Variants in DDR2 observed in about 807,000 individuals in gnomAD.
DDR2 encodes the protein discoidin domain-containing receptor 2.
DDR2 carries 27 observed loss-of-function variants against 94.9 expected under a neutral mutation model. The observed-to-expected ratio is 0.28, with a 90% confidence interval of 0.21 to 0.39. DDR2 has a LOEUF of 0.39. DDR2 is among the 10% of genes least tolerant of loss of function. The pLI is 1.00. For synonymous variants in DDR2, 382 were observed against 377.2 expected (o/e 1.01, Z -0.15); for missense variants, 783 against 1,076.0 (o/e 0.73, Z 3.81).
At chr1:162,732,147 A>G (rs188642690) in intron 3 of DDR2, among the ~76,000 whole-genome samples, 1 of 152,336 alleles carries the variant, frequency 6.6e-6, no homozygotes, top group African/African-American at 2.4e-5. Flanking sequence ...GAAAACTGCA[A>G]TCCTAAAGGT....
intron 4 of DDR2, 86 bp from the exon 5 acceptor site, chr1:162,754,538 T>C (rs982225297): frequency 1.5e-6 from 2 of 1,367,284 alleles, no homozygotes; most frequent in African/African-American, 1.4e-5. Flanking sequence ...CTCCCCTCAG[T>C]ACAGGGCAGC....
At chr1:162,734,456 G>A (rs956288854) in intron 3 of DDR2, among the ~76,000 whole-genome samples, 1 of 152,234 alleles carries the variant, frequency 6.6e-6, no homozygotes, top group African/African-American at 2.4e-5. Context: ...CATAACACAT[G>A]CTGTTTAGTG....
chr1:162,635,068 G>C (rs1286560149), intron 1 of DDR2, among the ~76,000 whole-genome samples: 1 of 152,116 alleles, frequency 6.6e-6, no homozygotes, highest in Admixed American at 6.5e-5. Flanking sequence ...AGGGAAGTGG[G>C]TAAGGTGTTT....
intron 2 of DDR2, among the ~76,000 whole-genome samples, chr1:162,706,621 G>A (rs1390022636): frequency 1.3e-5 from 2 of 152,172 alleles, no homozygotes; most frequent in Admixed American, 1.3e-4. Flanking sequence ...GGCCAGCATG[G>A]GGCAAGCCCT....
At chr1:162,744,338 T>A (rs1044414570) in intron 3 of DDR2, among the ~76,000 whole-genome samples, 1 of 152,164 alleles carries the variant, frequency 6.6e-6, no homozygotes, top group Non-Finnish European at 1.5e-5. Context: ...CTGGCAACCA[T>A]CATTCTACTT....
chr1:162,724,452 A>C (rs1379449600), intron 3 of DDR2, among the ~76,000 whole-genome samples: 1 of 152,164 alleles, frequency 6.6e-6, no homozygotes, highest in Non-Finnish European at 1.5e-5. Context: ...GGCTGGAGCT[A>C]GAAGCCCTGC....
intron 2 of DDR2, among the ~76,000 whole-genome samples, chr1:162,672,937 T>G (rs1658941614): frequency 6.6e-6 from 1 of 152,182 alleles, no homozygotes; most frequent in Non-Finnish European, 1.5e-5. Flanking sequence ...ATTTCTGGGA[T>G]GAAAATAGCA....
chr1:162,735,998 A>G (rs943724864), intron 3 of DDR2, among the ~76,000 whole-genome samples: 2 of 152,226 alleles, frequency 1.3e-5, no homozygotes, highest in Admixed American at 1.3e-4. Context: ...GCCAGGGATG[A>G]AAGCCCAGTG....
intron 2 of DDR2, among the ~76,000 whole-genome samples, chr1:162,679,920 C>A (rs181835963): frequency 6.6e-6 from 1 of 151,918 alleles, no homozygotes; most frequent in East Asian, 1.9e-4. Context: ...GCCTGTTGGC[C>A]GCATGTACGT....
Position 162,721,318 on chromosome 1 carries a change from T to C in DDR2, c.82+2173T>C, listed in dbSNP as rs550880360. On this transcript the variant is annotated intron_variant, in intron 3 of 17. Coordinates refer to ENST00000367921, the MANE Select transcript of DDR2 (RefSeq NM_006182.4). ...GCAAATAGTCATCTTAATTTTTTTT[T>C]CTATTTCTGGTGTCAGGTATTTTTG... Among the ~76,000 whole-genome samples the C allele has an allele frequency of 5.6e-4, 85 of 152,344 alleles. 1 individual carries two copies. The South Asian group carries it at 0.017, about 31-fold the overall frequency.
intron 1 of DDR2, among the ~76,000 whole-genome samples, chr1:162,651,140 C>T (rs1657666584): frequency 6.6e-6 from 1 of 152,174 alleles, no homozygotes; most frequent in Admixed American, 6.5e-5. Context: ...CAAAGCAACC[C>T]ACATGCCAGG....
At chr1:162,712,837 C>T (rs1048143592) in intron 2 of DDR2, among the ~76,000 whole-genome samples, 1 of 152,150 alleles carries the variant, frequency 6.6e-6, no homozygotes, top group East Asian at 1.9e-4. Flanking sequence ...ACTCTGTGGT[C>T]TTCTAACTTA....
At chr1:162,671,527 T>C (rs987974938) in intron 2 of DDR2, among the ~76,000 whole-genome samples, 8 of 152,314 alleles carry the variant, frequency 5.3e-5, no homozygotes, top group Admixed American at 3.9e-4. Context: ...CAGTGACTAA[T>C]AACTACTGCC....
chr1:162,652,978 C>T (rs955562419), intron 1 of DDR2, among the ~76,000 whole-genome samples: 1 of 152,126 alleles, frequency 6.6e-6, no homozygotes, highest in Non-Finnish European at 1.5e-5. Context: ...TGGTGGCACA[C>T]ACCTGCAGTC....
chr1:162,734,109 C>A (rs967715730), intron 3 of DDR2, among the ~76,000 whole-genome samples: 1 of 152,152 alleles, frequency 6.6e-6, no homozygotes, highest in Non-Finnish European at 1.5e-5. Flanking sequence ...CGATACACAG[C>A]AAAAACTTAT....
intron 2 of DDR2, among the ~76,000 whole-genome samples, chr1:162,681,642 TG>T (rs1659405398): frequency 6.6e-6 from 1 of 152,146 alleles, no homozygotes; most frequent in South Asian, 2.1e-4. Context: ...CAGAGATAAC[TG>T]TTTTCTTGCT....
At chr1:162,681,038 C>A (rs958310515) in intron 2 of DDR2, among the ~76,000 whole-genome samples, 1 of 152,136 alleles carries the variant, frequency 6.6e-6, no homozygotes, top group Admixed American at 6.6e-5. Context: ...AGAACGCTGT[C>A]TGGAGCCAAA....
At position 162,683,856 on chromosome 1, in the gene DDR2, C is replaced by T. The variant is rs551664173; in HGVS notation, c.-28+28482C>T. ...ATAATTCCTACCCAAATCTCAGCAA[C>T]GTTGTTTTTTTTAAAATAGATAGAA... On this transcript the variant is annotated intron_variant, in intron 2 of 17. Transcript: ENST00000367921. 5.3e-5 allele frequency among the ~76,000 whole-genome samples: 8 copies of T among 151,986 alleles called. No individual in the cohort carries two copies. The East Asian group carries it at 5.8e-4, about 11-fold the overall frequency.
rs115713003 is a variant in DDR2 at position 162,759,301 on chromosome 1, G to A, written c.672-495G>A. ...TTGATTCACTGAACAATGACAATAT[G>A]TAGTTAAAGGAGAGTCAGCACCAAG... On this transcript the variant is annotated intron_variant, in intron 7 of 17. Transcript: ENST00000367921. Among the ~76,000 whole-genome samples, 276 of 152,288 alleles carry A rather than the reference G, an allele frequency of 1.8e-3. 2 individuals are homozygous for A. The highest frequency in any genetic ancestry group is 3.2e-3 in the Non-Finnish European group (220 of 68,034).
Sources: allele counts gnomAD v4.1 joint callset (sites outside exome capture counted in the v4.1 genomes callset), GRCh38; gene constraint gnomAD v4.1.1; transcripts MANE v1.5; gene names NCBI Gene and HGNC (gene_info 2026-07-23, HGNC 2026-07-21).